The following CNTN5 variants were observed in gnomAD, a reference collection of about 807,000 sequenced individuals.
The protein encoded by CNTN5 is contactin-5.
A neutral mutation model predicts 129.1 loss-of-function variants in CNTN5; 77 were observed. The ratio of observed to expected loss-of-function variants is 0.60; its 90% CI spans 0.50 to 0.72. The LOEUF is 0.72. Ranked by LOEUF, CNTN5 falls within the 30% of genes least tolerant of loss-of-function variation. The pLI, the probability that CNTN5 is intolerant of heterozygous loss-of-function variation, is 0.00. For missense variants in CNTN5, 1,478 were observed against 1,328.8 expected, an observed-to-expected ratio of 1.11 and a Z score of -1.75; for synonymous variants, 509 against 465.6, an observed-to-expected ratio of 1.09 and a Z score of -1.20.
chr11:99,953,856 A>T (rs1169248288), intron 7 of CNTN5, among the ~76,000 whole-genome samples: 1 of 152,216 alleles, frequency 6.6e-6, no homozygotes, highest in Non-Finnish European at 1.5e-5. Context: ...GAAATTTAAC[A>T]TAAACATTGA....
chr11:99,706,097 A>G (rs1263993933), intron 3 of CNTN5, among the ~76,000 whole-genome samples: 1 of 151,470 alleles, frequency 6.6e-6, no homozygotes, highest in Non-Finnish European at 1.5e-5. Flanking sequence ...AGTAATGATA[A>G]TAGCAAAGTT....
At chr11:99,384,324 AAACTGGTTC>A (rs1940788798) in intron 2 of CNTN5, among the ~76,000 whole-genome samples, 1 of 152,202 alleles carries the variant, frequency 6.6e-6, no homozygotes, top group African/African-American at 2.4e-5. Context: ...CAATTTGGGC[AAACTGGTTC>A]AAGTTGTAAA....
chr11:100,321,952 A>G (rs1951704099), intron 21 of CNTN5, among the ~76,000 whole-genome samples: 1 of 152,042 alleles, frequency 6.6e-6, no homozygotes, highest in Admixed American at 6.5e-5. Flanking sequence ...TATTTTCTTG[A>G]GGGTTTTTGC....
At chr11:100,001,727 T>C (rs1939887088) in intron 8 of CNTN5, among the ~76,000 whole-genome samples, 1 of 152,206 alleles carries the variant, frequency 6.6e-6, no homozygotes, top group African/African-American at 2.4e-5. Context: ...TTATTTAAAA[T>C]GGGAAATAGT....
chr11:99,794,197 A>G (rs1371757891), intron 3 of CNTN5, among the ~76,000 whole-genome samples: 1 of 139,318 alleles, frequency 7.2e-6, no homozygotes, highest in Non-Finnish European at 1.6e-5. Context: ...TTTTTTTTTA[A>G]TCTTCGTAGG....
At chr11:100,197,566 G>C (rs1948675493) in intron 15 of CNTN5, among the ~76,000 whole-genome samples, 1 of 151,950 alleles carries the variant, frequency 6.6e-6, no homozygotes, top group Admixed American at 6.6e-5. Context: ...AAGAACCTCT[G>C]ATTCCTCTCA....
chr11:99,813,529 T>C (rs1946493159), intron 3 of CNTN5, among the ~76,000 whole-genome samples: 1 of 152,102 alleles, frequency 6.6e-6, no homozygotes, highest in African/African-American at 2.4e-5. Flanking sequence ...AGTAGGAGTT[T>C]AAAAGAGCAT....
chr11:100,110,599 T>C (rs1945623660), intron 13 of CNTN5, among the ~76,000 whole-genome samples: 1 of 152,200 alleles, frequency 6.6e-6, no homozygotes, highest in South Asian at 2.1e-4. Context: ...GAGAATAAGG[T>C]ACCCTTTATC....
At chr11:100,069,290 C>T (rs1006682445) in intron 10 of CNTN5, among the ~76,000 whole-genome samples, 3 of 151,938 alleles carry the variant, frequency 2.0e-5, no homozygotes, top group Non-Finnish European at 2.9e-5. Flanking sequence ...GTGGCTGGAC[C>T]GATAGGCATG....
intron 1 of CNTN5, among the ~76,000 whole-genome samples, chr11:99,132,325 T>C (rs1169434719): frequency 4.6e-5 from 7 of 152,082 alleles, no homozygotes; most frequent in Non-Finnish European, 8.8e-5. Flanking sequence ...CTGGAAGCAT[T>C]CCCTTTGAAA....
At chr11:100,256,253 A>C (rs1936685837) in intron 17 of CNTN5, among the ~76,000 whole-genome samples, 1 of 152,164 alleles carries the variant, frequency 6.6e-6, no homozygotes. Context: ...TAACCATAGT[A>C]CAATTACCAA....
At chr11:99,548,548 G>T (rs140054258) in intron 2 of CNTN5, among the ~76,000 whole-genome samples, 1 of 152,140 alleles carries the variant, frequency 6.6e-6, no homozygotes, top group Non-Finnish European at 1.5e-5. Flanking sequence ...AGTCAGTTAC[G>T]GGGAAGGTTT....
intron 4 of CNTN5, among the ~76,000 whole-genome samples, chr11:99,843,170 G>A (rs1031965392): frequency 3.9e-5 from 6 of 152,192 alleles, no homozygotes; most frequent in African/African-American, 1.4e-4. Flanking sequence ...GTTGCAGTGA[G>A]CCAAGATCGT....
At chr11:99,147,007 C>A (rs1452194452) in intron 1 of CNTN5, among the ~76,000 whole-genome samples, 1 of 151,814 alleles carries the variant, frequency 6.6e-6, no homozygotes, top group African/African-American at 2.4e-5. Context: ...AGGCATGAGT[C>A]GATGCATTAA....
intron 21 of CNTN5, chr11:100,309,802 C>A: frequency 1.8e-6 from 1 of 548,730 alleles, no homozygotes; most frequent in Non-Finnish European, 2.3e-6. Flanking sequence ...CACGTGCCTC[C>A]TCCAACTGCT....
chr11:99,519,270 C>T (rs1947180058), intron 2 of CNTN5, among the ~76,000 whole-genome samples: 1 of 151,980 alleles, frequency 6.6e-6, no homozygotes, highest in Admixed American at 6.6e-5. Flanking sequence ...TTATAGAAGC[C>T]CTCTTTGATC....
chr11:99,179,131 A>T (rs1351065605), intron 1 of CNTN5, among the ~76,000 whole-genome samples: 1 of 152,176 alleles, frequency 6.6e-6, no homozygotes, highest in Non-Finnish European at 1.5e-5. Flanking sequence ...TGAAATATAA[A>T]TTGAAATTTA....
intron 13 of CNTN5, among the ~76,000 whole-genome samples, chr11:100,127,456 C>T (rs924606184): frequency 5.3e-5 from 8 of 151,806 alleles, no homozygotes; most frequent in African/African-American, 1.9e-4. Flanking sequence ...CCTTACAGGA[C>T]AGTTAGTAAT....
In CNTN5 at chr11:100,010,508, A is replaced by G. The variant is rs1451807046; in HGVS notation, c.980+8372A>G. On this transcript the variant is annotated intron_variant, in intron 9 of 24. Transcript: ENST00000524871. ...CCTGCTGAGGTGCCATTCAGGGGCT[A>G]TCGAGCTGACAGGAAGCCCCTGGGA... 6.6e-5 allele frequency among the ~76,000 whole-genome samples: 10 copies of G among 152,166 alleles called. No individual in the cohort carries two copies. The South Asian group carries it at 1.7e-3, about 25-fold the overall frequency.
Sources: gnomAD v4.1 joint callset for allele counts (sites outside exome capture counted in the v4.1 genomes callset) on GRCh38, gnomAD v4.1.1 for gene constraint, MANE v1.5 for transcripts, NCBI Gene and HGNC (gene_info 2026-07-23, HGNC 2026-07-21) for gene names.